The following KREMEN1 variants were observed in gnomAD, a reference collection of about 807,000 sequenced individuals.
KREMEN1 encodes the protein kringle containing transmembrane protein 1, also known as kremen protein 1.
In KREMEN1, 30 loss-of-function variants were observed where a neutral mutation model predicts 46.5. The observed-to-expected ratio is 0.65, with a 90% CI of 0.48 to 0.88. The LOEUF is 0.88. Ranked by LOEUF, KREMEN1 falls within the 40% of genes least tolerant of loss-of-function variation. The pLI is 0.00. For missense variants in KREMEN1, 533 were observed against 596.9 expected, an observed-to-expected ratio of 0.89 and a Z score of 1.11; for synonymous variants, 214 against 230.6, an observed-to-expected ratio of 0.93 and a Z score of 0.65.
Position 29,145,504 on chromosome 22 carries a change from G to A in KREMEN1, c.*3392G>A. On this transcript the variant is annotated 3_prime_UTR_variant, in exon 9 of 9. Coordinates refer to ENST00000400335, the MANE Select transcript of KREMEN1 (RefSeq NM_001039570.3). ...TCTTGGTACCTGTGCCAACAGGAGA[G>A]CCCTCACCAGCCGATCTTGTCACTC... 6.1e-6 allele frequency: 6 copies of A among 985,576 alleles called. No homozygotes were observed. Among genetic ancestry groups the A allele is most frequent in the Non-Finnish European group, 7.2e-6 (6 of 830,052 alleles). The allele number at this position is 985,576 out of a possible 1,614,324, so 61.1% of individuals were successfully genotyped here.
At chr22:29,138,870 G>C in intron 7 of KREMEN1, 88 bp downstream of exon 7, 1 of 1,587,536 alleles carries the variant, frequency 6.3e-7, no homozygotes, top group Non-Finnish European at 8.6e-7. Context: ...AAAAGCACTT[G>C]GGTGTTTCTT....
chr22:29,141,639 T>G (rs1164627434), intron 8 of KREMEN1, among the ~76,000 whole-genome samples: 2 of 152,232 alleles, frequency 1.3e-5, no homozygotes, highest in East Asian at 3.9e-4. Context: ...TTCTTTTATT[T>G]AAAATAAAAG....
At chr22:29,090,292 C>T (rs548150139) in intron 1 of KREMEN1, among the ~76,000 whole-genome samples, 11 of 152,230 alleles carry the variant, frequency 7.2e-5, no homozygotes, top group East Asian at 1.9e-4. Flanking sequence ...ACATCAGTTT[C>T]GTAGCAGTAG....
chr22:29,163,175 C>T (rs1036830508), intron 9 of KREMEN1, among the ~76,000 whole-genome samples: 3 of 152,008 alleles, frequency 2.0e-5, no homozygotes, highest in African/African-American at 4.8e-5. Flanking sequence ...GTGAATGTCG[C>T]GAGATTTGAT....
chr22:29,082,621 A>C (rs149696290), intron 1 of KREMEN1, among the ~76,000 whole-genome samples: 8 of 152,218 alleles, frequency 5.3e-5, no homozygotes, highest in Admixed American at 2.0e-4. Context: ...GGCACCTTCT[A>C]TGTGGTCTGT....
chr22:29,132,800 G>A (rs908598358), intron 5 of KREMEN1, among the ~76,000 whole-genome samples: 2 of 152,128 alleles, frequency 1.3e-5, no homozygotes, highest in Non-Finnish European at 2.9e-5. Flanking sequence ...TTTTTGCTGG[G>A]TATTGATTTC....
intron 3 of KREMEN1, among the ~76,000 whole-genome samples, chr22:29,111,428 C>G (rs2038146783): frequency 6.6e-6 from 1 of 151,448 alleles, no homozygotes; most frequent in Non-Finnish European, 1.5e-5. Context: ...CTGGCTAACA[C>G]AGTGAAACCC....
In KREMEN1 at chr22:29,102,490, T is replaced by C. The variant is rs2037993035; in HGVS notation, c.352+3537T>C. 2.0e-5 allele frequency among the ~76,000 whole-genome samples: 3 copies of C among 152,230 alleles called. No individual in the cohort carries two copies. In the South Asian group the frequency reaches 6.2e-4, roughly 32 times the overall value. ...TCGGTCCATTTGTTCAACACAAAGA[T>C]AGTCTTTTAGTACCAGCCTGTGTCA... On this transcript the variant is annotated intron_variant, in intron 3 of 8. Coordinates refer to ENST00000400335, the MANE Select transcript of KREMEN1 (RefSeq NM_001039570.3).
At chr22:29,148,834 G>A (rs1225396042), downstream of KREMEN1, among the ~76,000 whole-genome samples, 2 of 152,110 alleles carry the variant, frequency 1.3e-5, no homozygotes, top group African/African-American at 4.8e-5. Flanking sequence ...GAGACAGCTT[G>A]GCCAGGTGAA....
chr22:29,166,058 A>G (rs527796249), intron 9 of KREMEN1, among the ~76,000 whole-genome samples: 5 of 152,286 alleles, frequency 3.3e-5, no homozygotes, highest in South Asian at 2.1e-4. Flanking sequence ...CCCTCACCAC[A>G]CACACACCAT....
intron 9 of KREMEN1, among the ~76,000 whole-genome samples, chr22:29,161,269 G>A (rs132306): frequency 0.57 from 86,376 of 151,608 alleles, 28,705 homozygotes; most frequent in East Asian, 0.75. Context: ...GCACTTTGGG[G>A]GGCCAAGGTG....
Position 29,140,383 on chromosome 22 carries a change from G to A in KREMEN1, c.1208+17G>A. The A allele has an allele frequency of 6.4e-7, 1 of 1,574,172 alleles. No individual in the cohort carries two copies. The highest frequency in any genetic ancestry group is 8.7e-7 in the Non-Finnish European group (1 of 1,143,760). The stretch of plus-strand genomic sequence containing the variant: ...CACATTCAAGTGAGTACAAGAGGGA[G>A]CTGCCCAATTCCAGGAAAGGGAAGG... On this transcript the variant is annotated intron_variant, in intron 8 of 8. Coordinates refer to ENST00000400335, the MANE Select transcript of KREMEN1 (RefSeq NM_001039570.3).
chr22:29,119,561 C>T (rs2038297370), intron 3 of KREMEN1, among the ~76,000 whole-genome samples: 1 of 152,188 alleles, frequency 6.6e-6, no homozygotes, highest in Non-Finnish European at 1.5e-5. Context: ...ACAAAAGATG[C>T]TCTGGTCACC....
chr22:29,106,580 G>A (rs892827619), intron 3 of KREMEN1, among the ~76,000 whole-genome samples: 2 of 152,088 alleles, frequency 1.3e-5, no homozygotes, highest in Non-Finnish European at 2.9e-5. Context: ...AGAAAATTGA[G>A]CCCAGATAGT....
chr22:29,140,170 C>A, intron 7 of KREMEN1, 112 bp from the exon 8 acceptor site: 1 of 793,246 alleles, frequency 1.3e-6, no homozygotes. Flanking sequence ...CCTCCCACAC[C>A]GGCCTGCAGG....
At chr22:29,120,451 G>GGGAGGAAGGAGAGGTGATAAAGGAAAC (rs2038330229) in intron 3 of KREMEN1, among the ~76,000 whole-genome samples, 2 of 86,450 alleles carry the variant, frequency 2.3e-5, no homozygotes, top group Admixed American at 1.3e-4. Flanking sequence ...GATGGAAACA[G>GGGAGGAAGGAGAGGTGATAAAGGAAAC]GGAGGAGGGA....
At chr22:29,108,070 G>A (rs2038088904) in intron 3 of KREMEN1, among the ~76,000 whole-genome samples, 1 of 152,348 alleles carries the variant, frequency 6.6e-6, no homozygotes, top group Middle Eastern at 3.4e-3. Context: ...CAGATCGCTT[G>A]AGCCCACGAG....
chr22:29,149,181 T>TTTTTTTTTTTTTTA, downstream of KREMEN1, among the ~76,000 whole-genome samples: 3 of 151,892 alleles, frequency 2.0e-5, no homozygotes, highest in African/African-American at 7.3e-5. Flanking sequence ...TTTTTTTTTT[T>TTTTTTTTTTTTTTA]GAGACGGAGT....
At chr22:29,160,133 A>T (rs958252413) in intron 9 of KREMEN1, among the ~76,000 whole-genome samples, 5 of 152,196 alleles carry the variant, frequency 3.3e-5, no homozygotes, top group African/African-American at 9.6e-5. Flanking sequence ...ATATTCCAAG[A>T]TCAACCACAT....
Sources: allele counts gnomAD v4.1 joint callset (sites outside exome capture counted in the v4.1 genomes callset), GRCh38; gene constraint gnomAD v4.1.1; transcripts MANE v1.5; gene names NCBI Gene and HGNC (gene_info 2026-07-23, HGNC 2026-07-21).